Variants in LARGE1 observed in about 807,000 individuals in gnomAD.
The protein encoded by LARGE1 is LARGE xylosyl- and glucuronyltransferase 1.
Under a neutral mutation model 87.6 loss-of-function variants are expected in LARGE1, and 43 were observed. That is an observed-to-expected ratio of 0.49 (90% CI 0.38 to 0.63). The LOEUF is 0.63. LARGE1 is among the 30% of genes least tolerant of loss of function. LARGE1 has a pLI of 0.00. For missense variants in LARGE1, 802 were observed against 1,000.2 expected (o/e 0.80, Z 2.67); for synonymous variants, 434 against 394.6 (o/e 1.10, Z -1.18).
chr22:33,760,845 G>A (rs755113187), intron 2 of LARGE1, among the ~76,000 whole-genome samples: 6 of 152,088 alleles, frequency 3.9e-5, no homozygotes, highest in Non-Finnish European at 8.8e-5. Context: ...ACTTGAACTC[G>A]GGAGGCAGGG....
intron 9 of LARGE1, among the ~76,000 whole-genome samples, chr22:33,360,623 C>T: frequency 6.7e-6 from 1 of 149,602 alleles, no homozygotes; most frequent in East Asian, 1.9e-4. Context: ...ATGATCCAAG[C>T]ACCTCCCAGC....
At chr22:33,706,574 T>C (rs773031589) in intron 2 of LARGE1, among the ~76,000 whole-genome samples, 2 of 152,216 alleles carry the variant, frequency 1.3e-5, no homozygotes, top group Non-Finnish European at 2.9e-5. Flanking sequence ...AACAAGTAAC[T>C]TGATGTAATT....
intron 1 of LARGE1, among the ~76,000 whole-genome samples, chr22:33,765,380 G>GA (rs1316296676): frequency 2.0e-5 from 3 of 152,066 alleles, no homozygotes; most frequent in Admixed American, 1.3e-4. Flanking sequence ...TCTCATTCCA[G>GA]AAAAAAGTAC....
exon 12 of LARGE1, chr22:33,164,989 A>G (rs1204740722): frequency 6.6e-6 from 1 of 152,194 alleles, no homozygotes; most frequent in Non-Finnish European, 1.5e-5. Flanking sequence ...GCAACTATAG[A>G]CAACGGGGAC....
intron 1 of LARGE1, among the ~76,000 whole-genome samples, chr22:33,855,249 G>A (rs1283722339): frequency 2.0e-5 from 3 of 152,172 alleles, no homozygotes; most frequent in Non-Finnish European, 2.9e-5. Context: ...CAGGAGAATG[G>A]CATGAACCCA....
chr22:33,432,256 AC>A lies in LARGE1; in HGVS notation c.796del (p.Val266SerfsTer34), dbSNP rs2067105902. 1 of 1,613,818 alleles carries A rather than the reference AC, an allele frequency of 6.2e-7. No homozygotes were observed. Among genetic ancestry groups the A allele is most frequent in the Non-Finnish European group, 8.5e-7 (1 of 1,179,820 alleles). ...AVFHKFKGQQVLGLVENQSDW... is the reference protein window; with the variant it reads ...AVFHKFKGQQXLGLVENQSDW... ...ACTCTGGTTCTCCACCAAGCCCAGG[AC>A]TTGCTGACCTGTGAGGTACAGAGAA... On this transcript the variant is annotated frameshift_variant, in exon 7 of 15. Transcript: ENST00000397394. LOFTEE classifies it high-confidence loss of function.
At chr22:33,377,135 G>T (rs2065017066) in intron 9 of LARGE1, among the ~76,000 whole-genome samples, 1 of 152,212 alleles carries the variant, frequency 6.6e-6, no homozygotes, top group Non-Finnish European at 1.5e-5. Context: ...GGAGTCATTT[G>T]TGTTAACAAA....
At chr22:33,737,593 C>T (rs1425856102) in intron 2 of LARGE1, 1 of 152,166 alleles carries the variant, frequency 6.6e-6, no homozygotes, top group African/African-American at 2.4e-5. Flanking sequence ...GTGTGCAAAG[C>T]ACTCTACCTA....
intron 1 of LARGE1, chr22:33,861,770 A>T (rs935744353): frequency 6.6e-6 from 1 of 152,152 alleles, no homozygotes; most frequent in African/African-American, 2.4e-5. Context: ...CTTCGGCCAG[A>T]ATGAGCCACA....
intron 6 of LARGE1, among the ~76,000 whole-genome samples, chr22:33,464,278 A>G (rs1332211685): frequency 6.6e-6 from 1 of 152,204 alleles, no homozygotes; most frequent in East Asian, 1.9e-4. Context: ...CCTTTCAAAA[A>G]CTTAGAATAC....
At chr22:33,599,419 G>A (rs1490985466) in intron 5 of LARGE1, among the ~76,000 whole-genome samples, 1 of 152,124 alleles carries the variant, frequency 6.6e-6, no homozygotes, top group Non-Finnish European at 1.5e-5. Context: ...GGAGTTCAGA[G>A]CAGAGGTACC....
At chr22:33,408,216 C>T (rs527585053) in intron 7 of LARGE1, among the ~76,000 whole-genome samples, 15 of 152,028 alleles carry the variant, frequency 9.9e-5, no homozygotes, top group Non-Finnish European at 2.1e-4. Flanking sequence ...ATCTCCTGAC[C>T]TCAGGTGATC....
intron 1 of LARGE1, among the ~76,000 whole-genome samples, chr22:33,784,905 TTA>T (rs75222079): frequency 0.087 from 10,950 of 125,692 alleles, 514 homozygotes; most frequent in Admixed American, 0.12. Context: ...ATACTGTATA[TTA>T]TATGTGTGTG....
the LARGE1 span, among the ~76,000 whole-genome samples, chr22:33,134,953 C>A: frequency 6.6e-6 from 1 of 152,138 alleles, no homozygotes; most frequent in Non-Finnish European, 1.5e-5. Flanking sequence ...CACTTGTGAT[C>A]AAAGAGTGCT....
intron 4 of LARGE1, among the ~76,000 whole-genome samples, chr22:33,624,770 T>C (rs2079870235): frequency 6.6e-6 from 1 of 152,150 alleles, no homozygotes; most frequent in Non-Finnish European, 1.5e-5. Context: ...TGAAATGTCA[T>C]TCTGGAATCA....
At chr22:33,629,427 T>C (rs1366798486) in intron 3 of LARGE1, among the ~76,000 whole-genome samples, 5 of 152,194 alleles carry the variant, frequency 3.3e-5, no homozygotes, top group Non-Finnish European at 5.9e-5. Flanking sequence ...TTTTACATAA[T>C]TTTCCAATCT....
the LARGE1 span, among the ~76,000 whole-genome samples, chr22:33,139,380 T>C: frequency 6.6e-6 from 1 of 152,272 alleles, no homozygotes; most frequent in Admixed American, 6.5e-5. Flanking sequence ...ATTTGTCTAC[T>C]CCCTACTCTC....
chr22:33,173,144 G>A (rs532487800), intron 11 of LARGE1, among the ~76,000 whole-genome samples: 1 of 152,318 alleles, frequency 6.6e-6, no homozygotes, highest in African/African-American at 2.4e-5. Context: ...AAGCCCATTC[G>A]ATTAACAGCA....
intron 2 of LARGE1, among the ~76,000 whole-genome samples, chr22:33,696,420 C>T (rs1045438467): frequency 1.1e-4 from 17 of 150,974 alleles, no homozygotes; most frequent in African/African-American, 4.0e-4. Flanking sequence ...TTGCCACCAC[C>T]GCCCAGCTAA....
Sources: gnomAD v4.1 joint callset for allele counts (sites outside exome capture counted in the v4.1 genomes callset) on GRCh38, gnomAD v4.1.1 for gene constraint, MANE v1.5 for transcripts, NCBI Gene and HGNC (gene_info 2026-07-23, HGNC 2026-07-21) for gene names.